The following TMPRSS4 variants were observed in gnomAD, a reference collection of about 807,000 sequenced individuals.
The protein encoded by TMPRSS4 is transmembrane serine protease 4.
Under a neutral mutation model 56.4 loss-of-function variants are expected in TMPRSS4, and 45 were observed. The observed-to-expected ratio is 0.80, with a 90% CI of 0.63 to 1.02. The LOEUF (loss-of-function observed/expected upper bound fraction) is 1.02. Ranked by LOEUF, TMPRSS4 falls within the 50% of genes least tolerant of loss-of-function variation. TMPRSS4 has a pLI of 0.00. For synonymous variants in TMPRSS4, 205 were observed against 211.0 expected (o/e 0.97, Z 0.25); for missense variants, 546 against 556.7 (o/e 0.98, Z 0.19).
intron 1 of TMPRSS4, among the ~76,000 whole-genome samples, chr11:118,090,613 C>G (rs964553614): frequency 5.3e-4 from 9 of 17,022 alleles, no homozygotes; most frequent in Admixed American, 1.8e-3. Flanking sequence ...CTCATCTCTA[C>G]GAAAAAAAAA....
At chr11:118,093,551 T>C (rs930500363) in intron 1 of TMPRSS4, among the ~76,000 whole-genome samples, 4 of 152,246 alleles carry the variant, frequency 2.6e-5, no homozygotes, top group African/African-American at 9.6e-5. Context: ...TCTGTGGCTG[T>C]GTGCGTGCTG....
Position 118,094,803 on chromosome 11 carries a change from G to T in TMPRSS4, c.4-13G>T. 1.2e-6 allele frequency: 2 copies of T among 1,610,134 alleles called. No homozygotes were observed. The highest frequency in any genetic ancestry group is 8.5e-7 in the Non-Finnish European group (1 of 1,178,348). ...GGCTCCCTGCCTCAACTCACTGACT[G>T]TTTTTCCTTCAATTACAGGATCCTG... On this transcript the variant is annotated splice_polypyrimidine_tract_variant and intron_variant, in intron 1 of 12. Transcript: ENST00000437212.
chr11:118,089,946 G>A (rs7924498), intron 1 of TMPRSS4, among the ~76,000 whole-genome samples: 36,875 of 152,104 alleles, frequency 0.24, 5,189 homozygotes, highest in Non-Finnish European at 0.33. Context: ...CCGGGTTCAA[G>A]GGATTCTCCT....
At position 118,101,695 on chromosome 11, in the gene TMPRSS4, T is replaced by G. The variant is rs528914667; in HGVS notation, c.158-1406T>G. ...GGTCTCACTATGTTGCCGAGACTGA[T>G]CTTGAATTCCTGGGCTCAAACAATC... On this transcript the variant is annotated intron_variant, in intron 3 of 12. Coordinates refer to ENST00000437212, the MANE Select transcript of TMPRSS4 (RefSeq NM_019894.4). Among the ~76,000 whole-genome samples, 196 of 152,240 alleles carry G rather than the reference T, an allele frequency of 1.3e-3. 9 individuals carry two copies. The South Asian group carries it at 0.037, about 29-fold the overall frequency.
chr11:118,106,037 T>C (rs935016121), intron 5 of TMPRSS4: 2 of 152,256 alleles, frequency 1.3e-5, no homozygotes, highest in African/African-American at 2.4e-5. Flanking sequence ...GAGGAACTCA[T>C]GCCCAGCACC....
At chr11:118,080,011 C>A (rs1315374370) in intron 1 of TMPRSS4, among the ~76,000 whole-genome samples, 1 of 152,190 alleles carries the variant, frequency 6.6e-6, no homozygotes, top group Admixed American at 6.5e-5. Context: ...CCACTCCCCC[C>A]CCACCAAAAG....
intron 1 of TMPRSS4, among the ~76,000 whole-genome samples, chr11:118,078,587 T>C (rs896864622): frequency 2.0e-5 from 3 of 152,170 alleles, no homozygotes; most frequent in African/African-American, 7.2e-5. Flanking sequence ...GTTTGGCCTG[T>C]GTGCAGAGAC....
intron 10 of TMPRSS4, 79 bp downstream of exon 10, chr11:118,115,006 G>A: frequency 6.5e-7 from 1 of 1,549,456 alleles, no homozygotes. Context: ...TGGGAAGGAG[G>A]ACCACCCTTC....
At chr11:118,117,879 T>C (rs1309581589) in intron 12 of TMPRSS4, 23 bp from the exon 13 acceptor site, 2 of 1,613,838 alleles carry the variant, frequency 1.2e-6, no homozygotes, top group Non-Finnish European at 1.7e-6. Flanking sequence ...TGACTTTCTC[T>C]TCATCGGTCT....
chr11:118,119,154 C>T lies in TMPRSS4; in HGVS notation c.*1241C>T. The stretch of plus-strand genomic sequence containing the variant: ...GAAAATAGAAACCCAGAAAACAAAA[C>T]AAAATAAAACAAAACCATCAGAACT... On this transcript the variant is annotated 3_prime_UTR_variant, in exon 13 of 13. Transcript: ENST00000437212. 3.0e-6 allele frequency: 3 copies of T among 985,350 alleles called. No individual in the cohort carries two copies. The highest frequency in any genetic ancestry group is 3.6e-6 in the Non-Finnish European group (3 of 829,926). 61.0% of individuals were successfully genotyped at this position (985,350 alleles called of 1,614,324 possible). A position where few individuals can be genotyped will look rare whatever the true frequency, so the allele number is the denominator to read the frequency against.
rs1330922258 is a variant in TMPRSS4 at position 118,099,205 on chromosome 11, TCA to T, written c.157+109_157+110del. The T allele has an allele frequency of 1.1e-5, 7 of 666,120 alleles. No individual in the cohort carries two copies. In the African/African-American group the frequency reaches 3.3e-4, roughly 32 times the overall value. 41.3% of individuals were successfully genotyped at this position (666,120 alleles called of 1,614,324 possible). ...AAGTGACAGTCCCCCACCCCTGCCC[TCA>T]CCCCCTCAGTAAGAGGCAGTCCCAC... On this transcript the variant is annotated intron_variant, in intron 3 of 12. Transcript: ENST00000437212.
intron 2 of TMPRSS4, among the ~76,000 whole-genome samples, chr11:118,096,967 GGAAAGAAAGAAA>G (rs1170336226): frequency 0.035 from 332 of 9,488 alleles, 43 homozygotes; most frequent in East Asian, 0.12. Context: ...AAGAAAGAAA[GGAAAGAAAGAAA>G]GAAAGAAAGA....
At chr11:118,112,535 G>C (rs927255838) in intron 8 of TMPRSS4, among the ~76,000 whole-genome samples, 6 of 151,790 alleles carry the variant, frequency 4.0e-5, no homozygotes, top group African/African-American at 1.2e-4. Context: ...TGGGACTATA[G>C]GCATGGGCCA....
chr11:118,096,934 AAGAGAAAGAAAGAAAGG>A (rs1565422939), intron 2 of TMPRSS4, among the ~76,000 whole-genome samples: 2 of 56,258 alleles, frequency 3.6e-5, no homozygotes, highest in Non-Finnish European at 4.6e-5. Context: ...GAAAGAAAGA[AAGAGAAAGAAAGAAAGG>A]AAGGAAAGAA....
chr11:118,111,864 AC>A lies in TMPRSS4; in HGVS notation c.712del (p.His238ThrfsTer57). On this transcript the variant is annotated frameshift_variant, in exon 8 of 13. Coordinates refer to ENST00000437212, the MANE Select transcript of TMPRSS4 (RefSeq NM_019894.4). LOFTEE classifies it high-confidence loss of function. ...CACGTCTGTGGAGGGAGCATCCTGG[AC>A]CCCCACTGGGTCCTCACGGCAGCCC... ...KQHVCGGSIL[D>X]PHWVLTAAHC... 6.2e-7 allele frequency: 1 copy of A among 1,609,014 alleles called. No individual in the cohort carries two copies.
intron 9 of TMPRSS4, 135 bp from the exon 10 acceptor site, chr11:118,114,694 A>T: frequency 1.1e-6 from 1 of 949,822 alleles, no homozygotes; most frequent in Non-Finnish European, 1.6e-6. Flanking sequence ...CAAGTTGTTT[A>T]CTATCTGCAG....
chr11:118,117,268 T>C (rs763541956), intron 11 of TMPRSS4, 37 bp from the exon 12 acceptor site: 1 of 1,612,238 alleles, frequency 6.2e-7, no homozygotes, highest in South Asian at 1.1e-5. Context: ...CCACCTCACC[T>C]GCCCTCCCCA....
intron 8 of TMPRSS4, among the ~76,000 whole-genome samples, chr11:118,112,657 T>A (rs1488462880): frequency 2.6e-5 from 4 of 152,062 alleles, no homozygotes; most frequent in Admixed American, 2.6e-4. Flanking sequence ...CCTCCCAAAC[T>A]GCTGGGATTA....
At chr11:118,102,532 A>ACC (rs1333479258) in intron 3 of TMPRSS4, among the ~76,000 whole-genome samples, 1 of 151,978 alleles carries the variant, frequency 6.6e-6, no homozygotes, top group Non-Finnish European at 1.5e-5. Context: ...ACATGGTGAA[A>ACC]CCCCGTCACT....
Sources: allele counts gnomAD v4.1 joint callset (sites outside exome capture counted in the v4.1 genomes callset), GRCh38; gene constraint gnomAD v4.1.1; transcripts MANE v1.5; gene names NCBI Gene and HGNC (gene_info 2026-07-23, HGNC 2026-07-21).